The following ENPEP variants were observed in gnomAD, a reference collection of about 807,000 sequenced individuals.
ENPEP encodes glutamyl aminopeptidase.
Under a neutral mutation model 114.5 loss-of-function variants are expected in ENPEP, and 103 were observed. The ratio of observed to expected loss-of-function variants is 0.90; its 90% CI spans 0.77 to 1.06. The LOEUF is 1.06. Among genes scored for constraint, ENPEP ranks in the 50% least tolerant of loss-of-function variants. The pLI, the probability that ENPEP is intolerant of heterozygous loss-of-function variation, is 0.00. For missense variants in ENPEP, 1,196 were observed against 1,161.3 expected, an observed-to-expected ratio of 1.03 and a Z score of -0.43; for synonymous variants, 420 against 422.0, an observed-to-expected ratio of 1.00 and a Z score of 0.06.
At chr4:110,518,734 A>G (rs1162266993) in intron 8 of ENPEP, among the ~76,000 whole-genome samples, 1 of 152,168 alleles carries the variant, frequency 6.6e-6, no homozygotes, top group African/African-American at 2.4e-5. Context: ...GCACCCAGGT[A>G]GTTAGGGAGA....
At chr4:110,495,581 C>T (rs1190643530) in intron 3 of ENPEP, among the ~76,000 whole-genome samples, 1 of 151,928 alleles carries the variant, frequency 6.6e-6, no homozygotes. Context: ...ATCAGCCGGG[C>T]GTGATGGTGT....
At chr4:110,509,606 C>A in intron 4 of ENPEP, 47 bp from the exon 5 acceptor site, 6 of 1,569,608 alleles carry the variant, frequency 3.8e-6, no homozygotes, top group Non-Finnish European at 5.2e-6. Context: ...AAGCTATGAA[C>A]AAATGGAAAG....
chr4:110,544,123 A>C (rs72667907), intron 13 of ENPEP, among the ~76,000 whole-genome samples: 1 of 151,968 alleles, frequency 6.6e-6, no homozygotes, highest in Non-Finnish European at 1.5e-5. Flanking sequence ...TCAAGGAAGG[A>C]ATTATGGGGT....
At chr4:110,479,612 C>T (rs1277791823) in intron 1 of ENPEP, among the ~76,000 whole-genome samples, 1 of 152,146 alleles carries the variant, frequency 6.6e-6, no homozygotes, top group East Asian at 1.9e-4. Flanking sequence ...GCGACTATTC[C>T]TCTGAGCCTT....
chr4:110,534,788 C>T (rs534666975), intron 11 of ENPEP, among the ~76,000 whole-genome samples: 1 of 151,428 alleles, frequency 6.6e-6, no homozygotes, highest in African/African-American at 2.4e-5. Flanking sequence ...GGATTATAGG[C>T]ATGAGCCACC....
At chr4:110,484,816 T>C (rs182702426) in intron 1 of ENPEP, among the ~76,000 whole-genome samples, 37 of 149,768 alleles carry the variant, frequency 2.5e-4, no homozygotes, top group Non-Finnish European at 5.2e-4. Flanking sequence ...AAGAGTAAAA[T>C]AGAGTATTTG....
chr4:110,512,823 G>C (rs998936985), intron 6 of ENPEP: 1 of 152,212 alleles, frequency 6.6e-6, no homozygotes, highest in Non-Finnish European at 1.5e-5. Flanking sequence ...TATCTAGAAA[G>C]TAAAAAGACT....
Position 110,548,294 on chromosome 4 carries a change from G to C in ENPEP, c.2119G>C (p.Glu707Gln), listed in dbSNP as rs781702190. 4 of 1,603,424 alleles carry C rather than the reference G, an allele frequency of 2.5e-6. No homozygotes were observed. The East Asian group carries it at 9.0e-5, about 36-fold the overall frequency. Residue 707 changes from glutamate to glutamine, a missense_variant, in exon 14 of 20, where the codon GAA becomes CAA. Transcript: ENST00000265162. ...SAVTYIISMF[E>Q]DDKELYPMIE... ...TGTAACCTACATCATTAGCATGTTTGAAGATGATAAAGAGCTATATCCTAT... is the reference window on the plus strand; with the variant it reads ...TGTAACCTACATCATTAGCATGTTTCAAGATGATAAAGAGCTATATCCTAT...
chr4:110,564,887 C>T lies in ENPEP; in HGVS notation c.*3329C>T, dbSNP rs1340434194. The T allele has an allele frequency of 6.6e-6, 1 of 152,156 alleles. No homozygotes were observed. The highest frequency in any genetic ancestry group is 2.4e-5 in the African/African-American group (1 of 41,420). The allele number at this position is 152,156 out of a possible 1,614,324, so 9.4% of individuals were successfully genotyped here. ...AGCAGTATTCCAGATAGAGGCCGCACTATGAGCCTGAATTCCAGGATAAAA... is the reference window on the plus strand; with the variant it reads ...AGCAGTATTCCAGATAGAGGCCGCATTATGAGCCTGAATTCCAGGATAAAA... On this transcript the variant is annotated 3_prime_UTR_variant, in exon 20 of 20. Coordinates refer to ENST00000265162, the MANE Select transcript of ENPEP (RefSeq NM_001977.4).
In ENPEP at chr4:110,562,251, T is replaced by C. The variant is rs544134607; in HGVS notation, c.*693T>C. 1.3e-4 allele frequency: 20 copies of C among 152,258 alleles called. No homozygotes were observed. The highest frequency in any genetic ancestry group is 9.8e-4 in the Admixed American group (15 of 15,298). The allele number at this position is 152,258 out of a possible 1,614,324, so 9.4% of individuals were successfully genotyped here. ...GTGTCACTTGACTCTTGAATAAAAA[T>C]AACTGCAGTGTTCCCCAAATAATTT... On this transcript the variant is annotated 3_prime_UTR_variant, in exon 20 of 20. Coordinates refer to ENST00000265162, the MANE Select transcript of ENPEP (RefSeq NM_001977.4).
intron 3 of ENPEP, among the ~76,000 whole-genome samples, chr4:110,501,820 G>A (rs1419588598): frequency 2.0e-5 from 3 of 152,150 alleles, no homozygotes; most frequent in African/African-American, 4.8e-5. Context: ...AAGATGGCTG[G>A]ATCATTTGGT....
intron 6 of ENPEP, among the ~76,000 whole-genome samples, chr4:110,511,120 G>A (rs1180227968): frequency 6.6e-6 from 1 of 152,094 alleles, no homozygotes; most frequent in African/African-American, 2.4e-5. Flanking sequence ...AATTACAAGA[G>A]GTTTTGTACT....
intron 1 of ENPEP, among the ~76,000 whole-genome samples, chr4:110,485,745 G>C (rs1213448349): frequency 1.3e-5 from 2 of 152,172 alleles, no homozygotes; most frequent in East Asian, 1.9e-4. Flanking sequence ...GAAGAATACA[G>C]GCTGGCTATT....
rs1460645380 is a variant in ENPEP, at chr4:110,564,725, T to C, written c.*3167T>C. 1 of 152,180 alleles carries C rather than the reference T, an allele frequency of 6.6e-6. No homozygotes were observed. Among genetic ancestry groups the C allele is most frequent in the Non-Finnish European group, 1.5e-5 (1 of 68,032 alleles). 9.4% of individuals were successfully genotyped at this position (152,180 alleles called of 1,614,324 possible). A position where few individuals can be genotyped will look rare whatever the true frequency, so the allele number is the denominator to read the frequency against. On this transcript the variant is annotated 3_prime_UTR_variant, in exon 20 of 20. Transcript: ENST00000265162. ...GAAGAGGATTCTATATCCTACCCCA[T>C]TGTAGTCTAGCATGGTATGTGACTT...
chr4:110,515,383 T>G lies in ENPEP; in HGVS notation c.1450T>G (p.Ser484Ala). 6.2e-7 allele frequency: 1 copy of G among 1,604,034 alleles called. No individual in the cohort carries two copies. The highest frequency in any genetic ancestry group is 8.5e-7 in the Non-Finnish European group (1 of 1,177,226). Residue 484 changes from serine (S) to alanine (A), a missense_variant, in exon 8 of 20, where the codon TCT becomes GCT. Ser to Ala is a moderately conservative substitution (Grantham distance 99). Transcript: ENST00000265162. ...FDGISYSKGS[S>A]ILRMLEDWIK... Reference sequence around the variant, plus strand: ...CTTTTTATCCCCATTGTAGGGATCTTCTATTTTGAGAATGCTTGAAGACTG... The same window carrying G: ...CTTTTTATCCCCATTGTAGGGATCTGCTATTTTGAGAATGCTTGAAGACTG...
intron 13 of ENPEP, among the ~76,000 whole-genome samples, chr4:110,547,816 T>C (rs1464681732): frequency 1.3e-5 from 2 of 152,088 alleles, no homozygotes; most frequent in African/African-American, 4.8e-5. Flanking sequence ...TGCCTTTATG[T>C]GTTAAAATCC....
At chr4:110,488,732 T>C (rs1724596344) in intron 2 of ENPEP, 50 bp downstream of exon 2, 3 of 1,553,014 alleles carry the variant, frequency 1.9e-6, no homozygotes, top group South Asian at 2.5e-5. Context: ...GTTGACAACA[T>C]TAGGCCAGTT....
At chr4:110,544,721 G>A (rs995252935) in intron 13 of ENPEP, among the ~76,000 whole-genome samples, 6 of 152,030 alleles carry the variant, frequency 3.9e-5, no homozygotes, top group Non-Finnish European at 5.9e-5. Context: ...AGTTTAATTT[G>A]CACCACAATG....
chr4:110,542,749 A>T lies in ENPEP; in HGVS notation c.1808-2A>T. 1 of 1,610,902 alleles carries T rather than the reference A, an allele frequency of 6.2e-7. No homozygotes were observed. Among genetic ancestry groups the T allele is most frequent in the Middle Eastern group, 1.7e-4 (1 of 6,040 alleles). On this transcript the variant is annotated splice_acceptor_variant, in intron 11 of 19. Coordinates refer to ENST00000265162, the MANE Select transcript of ENPEP (RefSeq NM_001977.4). LOFTEE classifies it high-confidence loss of function. ...CTCATTAGTGTTTATTTACTACTAC[A>T]GGAATCACTTTGAACTCCTCTAATC...
Sources: allele counts gnomAD v4.1 joint callset (sites outside exome capture counted in the v4.1 genomes callset), GRCh38; gene constraint gnomAD v4.1.1; transcripts MANE v1.5; gene names NCBI Gene and HGNC (gene_info 2026-07-23, HGNC 2026-07-21).